Variants in NAALAD2 observed in about 807,000 individuals in gnomAD.
NAALAD2 encodes the protein N-acetylated alpha-linked acidic dipeptidase 2, also known as N-acetylated-alpha-linked acidic dipeptidase 2.
A neutral mutation model predicts 95.6 loss-of-function variants in NAALAD2; 89 were observed. That is an observed-to-expected ratio of 0.93 (90% confidence interval 0.78 to 1.11). The LOEUF is 1.11. Among genes scored for constraint, NAALAD2 ranks in the 50% least tolerant of loss-of-function variants. The pLI, the probability that NAALAD2 is intolerant of heterozygous loss-of-function variation, is 0.00. For missense variants in NAALAD2, 894 were observed against 872.4 expected, an observed-to-expected ratio of 1.02 and a Z score of -0.31; for synonymous variants, 264 against 294.4, an observed-to-expected ratio of 0.90 and a Z score of 1.06.
intron 6 of NAALAD2, among the ~76,000 whole-genome samples, chr11:90,157,459 T>G (rs1182328648): frequency 6.6e-6 from 1 of 152,128 alleles, no homozygotes; most frequent in Non-Finnish European, 1.5e-5. Context: ...TTCCCAAGAT[T>G]GCATATGTTC....
Position 90,184,124 on chromosome 11 carries a change from G to A in NAALAD2, c.2033+1116G>A, listed in dbSNP as rs984150473. Among the ~76,000 whole-genome samples the A allele has an allele frequency of 2.4e-4, 37 of 152,082 alleles. No individual in the cohort carries two copies. The East Asian group carries it at 6.0e-3, about 25-fold the overall frequency. ...AGTAACTTCTAGGGTTTTCCCATCCGAATTAAGATGATGATAATTGCTACT... is the reference window on the plus strand; with the variant it reads ...AGTAACTTCTAGGGTTTTCCCATCCAAATTAAGATGATGATAATTGCTACT... On this transcript the variant is annotated intron_variant, in intron 18 of 18. Transcript: ENST00000534061.
intron 16 of NAALAD2, among the ~76,000 whole-genome samples, chr11:90,180,090 AATG>A (rs1489309405): frequency 6.6e-5 from 10 of 151,832 alleles, no homozygotes; most frequent in African/African-American, 2.4e-4. Flanking sequence ...TGAATGAATG[AATG>A]AATACATAAT....
chr11:90,168,781 C>G, intron 11 of NAALAD2, 148 bp from the exon 12 acceptor site: 1 of 632,210 alleles, frequency 1.6e-6, no homozygotes. Context: ...TCTGCATTTT[C>G]TCAGAAATTA....
At chr11:90,164,312 C>T (rs1355765746) in intron 11 of NAALAD2, 1 of 152,038 alleles carries the variant, frequency 6.6e-6, no homozygotes, top group Non-Finnish European at 1.5e-5. Context: ...TTCCTTTAGT[C>T]TCTCTGTCAA....
At chr11:90,134,948 C>A in intron 1 of NAALAD2, 108 bp downstream of exon 1, 1 of 1,237,010 alleles carries the variant, frequency 8.1e-7, no homozygotes, top group Non-Finnish European at 1.2e-6. Flanking sequence ...CTAGCCCTGG[C>A]CGGCTGGGCT....
chr11:90,191,638 T>C lies in NAALAD2; in HGVS notation c.2114T>C (p.Ile705Thr), dbSNP rs146722371. 6.4e-5 allele frequency: 103 copies of C among 1,607,700 alleles called. 1 individual carries two copies. Among genetic ancestry groups the C allele is most frequent in the South Asian group, 3.4e-4 (30 of 89,408 alleles). Reference sequence around the variant, plus strand: ...GGAATCTATGATGCTATCTTTGATATTGAAAATAAAGCCAACTCTCGTTTG... The same window carrying C: ...GGAATCTATGATGCTATCTTTGATACTGAAAATAAAGCCAACTCTCGTTTG... The part of the protein sequence containing the change: ...FPGIYDAIFD[I>T]ENKANSRLAW... Residue 705 changes from isoleucine to threonine, a missense_variant, in exon 19 of 19, where the codon ATT (isoleucine) becomes ACT (threonine). By Grantham distance (89) the Ile-to-Thr change is moderately conservative (BLOSUM62 -1). Coordinates refer to ENST00000534061, the MANE Select transcript of NAALAD2 (RefSeq NM_005467.4).
At chr11:90,190,049 T>C (rs565532923) in intron 18 of NAALAD2, among the ~76,000 whole-genome samples, 1 of 152,222 alleles carries the variant, frequency 6.6e-6, no homozygotes, top group South Asian at 2.1e-4. Flanking sequence ...TTGAGTTGCT[T>C]AAGCATTACC....
At chr11:90,146,343 A>ATTTTTTTTTTTTTTTTTTTTTTTTTT (rs71477596) in intron 2 of NAALAD2, among the ~76,000 whole-genome samples, 2 of 47,944 alleles carry the variant, frequency 4.2e-5, no homozygotes, top group East Asian at 7.4e-4. Context: ...GGGGAGTTTA[A>ATTTTTTTTTTTTTTTTTTTTTTTTTT]TTTTTTTTTT....
chr11:90,163,501 T>G, intron 10 of NAALAD2, 34 bp from the exon 11 acceptor site: 1 of 1,613,392 alleles, frequency 6.2e-7, no homozygotes, highest in African/African-American at 1.3e-5. Flanking sequence ...TTTAGGCAGT[T>G]GTACCTAACC....
At chr11:90,168,871 G>T (rs571444612) in intron 11 of NAALAD2, 58 bp from the exon 12 acceptor site, 2 of 1,369,316 alleles carry the variant, frequency 1.5e-6, no homozygotes, top group Non-Finnish European at 2.0e-6. Flanking sequence ...TGCTTATTTT[G>T]TTTACATTTT....
chr11:90,156,717 G>C (rs1952128046), intron 6 of NAALAD2, among the ~76,000 whole-genome samples: 1 of 152,022 alleles, frequency 6.6e-6, no homozygotes, highest in Non-Finnish European at 1.5e-5. Context: ...TCCCAAGTTA[G>C]CTGGAACTAT....
At chr11:90,181,470 T>C (rs1952965457) in intron 16 of NAALAD2, 150 bp from the exon 17 acceptor site, 6 of 607,480 alleles carry the variant, frequency 9.9e-6, no homozygotes, top group Non-Finnish European at 1.8e-5. Flanking sequence ...TGTTATATTT[T>C]CTACTAATTT....
chr11:90,154,040 TC>T (rs1951958840), intron 6 of NAALAD2, among the ~76,000 whole-genome samples: 1 of 148,086 alleles, frequency 6.8e-6, no homozygotes, highest in Non-Finnish European at 1.5e-5. Context: ...CCTCTCTCTC[TC>T]TCTCTCTCTC....
rs1952859096 is a variant in NAALAD2, at chr11:90,178,162, CTT to C, written c.1858+47_1858+48del. 1.9e-6 allele frequency: 3 copies of C among 1,540,780 alleles called. No individual in the cohort carries two copies. In the African/African-American group the frequency reaches 4.2e-5, roughly 21 times the overall value. Reference sequence around the variant, plus strand: ...ATATTTTACAGTCTTTAAGTTAGAGCTTTAAGATATTATCTCCTATGATGATC... The same window carrying C: ...ATATTTTACAGTCTTTAAGTTAGAGCTAAGATATTATCTCCTATGATGATC... On this transcript the variant is annotated intron_variant, in intron 16 of 18. Transcript: ENST00000534061.
In NAALAD2 at chr11:90,155,001, G is replaced by GTATATATTATATACGTATACATAATATA. The variant is rs1565521780; in HGVS notation, c.796+2518_796+2519insATATATTATATACGTATACATAATATAT. Among the ~76,000 whole-genome samples, 12 of 53,866 alleles carry GTATATATTATATACGTATACATAATATA rather than the reference G, an allele frequency of 2.2e-4. 4 individuals are homozygous for GTATATATTATATACGTATACATAATATA. Among genetic ancestry groups the GTATATATTATATACGTATACATAATATA allele is most frequent in the African/African-American group, 7.9e-4 (9 of 11,436 alleles). The allele number at this position is 53,866 out of a possible 152,430, so 35.3% of individuals were successfully genotyped here. ...ATATACGTATACATAATATGTATGT[G>GTATATATTATATACGTATACATAATATA]TGTATATATTATATACATATACATA... On this transcript the variant is annotated intron_variant, in intron 6 of 18. Transcript: ENST00000534061.
At chr11:90,182,687 A>C (rs1391286856) in intron 17 of NAALAD2, among the ~76,000 whole-genome samples, 1 of 152,150 alleles carries the variant, frequency 6.6e-6, no homozygotes, top group East Asian at 1.9e-4. Flanking sequence ...GATGTAAAAA[A>C]ATATAACAAA....
chr11:90,137,672 C>G (rs1951486358), intron 2 of NAALAD2, among the ~76,000 whole-genome samples: 1 of 152,162 alleles, frequency 6.6e-6, no homozygotes, highest in African/African-American at 2.4e-5. Context: ...GGTGCAATCT[C>G]AGCTCACTGC....
At chr11:90,184,343 T>C (rs192078979) in intron 18 of NAALAD2, among the ~76,000 whole-genome samples, 1 of 152,278 alleles carries the variant, frequency 6.6e-6, no homozygotes, top group Non-Finnish European at 1.5e-5. Context: ...TAAGTGGAGA[T>C]TATAATTGCT....
At chr11:90,181,550 G>A in intron 16 of NAALAD2, 70 bp from the exon 17 acceptor site, 1 of 1,007,628 alleles carries the variant, frequency 9.9e-7, no homozygotes, top group South Asian at 1.3e-5. Context: ...AATCTGGAAT[G>A]GGGAGGGTGG....
Sources: allele counts gnomAD v4.1 joint callset (sites outside exome capture counted in the v4.1 genomes callset), GRCh38; gene constraint gnomAD v4.1.1; transcripts MANE v1.5; gene names NCBI Gene and HGNC (gene_info 2026-07-23, HGNC 2026-07-21).